DRAXIN: variants seen among roughly 807,000 people sequenced by gnomAD.
DRAXIN encodes the protein dorsal inhibitory axon guidance protein, also known as dorsal repulsive axon guidance protein.
Under a neutral mutation model 33.9 loss-of-function variants are expected in DRAXIN, and 27 were observed. That is an observed-to-expected ratio of 0.80 (90% CI 0.59 to 1.10). The LOEUF is 1.10. Ranked by LOEUF, DRAXIN falls within the 50% of genes least tolerant of loss-of-function variation. DRAXIN has a pLI of 0.00. For synonymous variants in DRAXIN, 178 were observed against 194.0 expected, an observed-to-expected ratio of 0.92 and a Z score of 0.69; for missense variants, 371 against 460.8, an observed-to-expected ratio of 0.81 and a Z score of 1.78.
intron 3 of DRAXIN, 144 bp from the exon 4 acceptor site, chr1:11,711,707 T>A (rs1206839289): frequency 7.2e-6 from 5 of 691,924 alleles, no homozygotes; most frequent in Non-Finnish European, 1.2e-5. Flanking sequence ...CATCTTTATG[T>A]CCTTGGGCTG....
Position 11,725,621 on chromosome 1 carries a change from C to G in DRAXIN, c.*5925C>G, listed in dbSNP as rs1192605409. Reference sequence around the variant, plus strand: ...ATGACAAACTCCCAGGCTCTGAGGCCCAAGCCTCCTGGGCTGCAACTGGTC... The same window carrying G: ...ATGACAAACTCCCAGGCTCTGAGGCGCAAGCCTCCTGGGCTGCAACTGGTC... On this transcript the variant is annotated 3_prime_UTR_variant, in exon 7 of 7. Transcript: ENST00000294485. The G allele has an allele frequency of 6.6e-6, 1 of 152,238 alleles. No homozygotes were observed. The highest frequency in any genetic ancestry group is 6.5e-5 in the Admixed American group (1 of 15,280). 9.4% of individuals were successfully genotyped at this position (152,238 alleles called of 1,614,324 possible).
intron 6 of DRAXIN, 62 bp downstream of exon 6, chr1:11,715,270 C>T: frequency 6.3e-7 from 1 of 1,599,092 alleles, no homozygotes; most frequent in Non-Finnish European, 8.6e-7. Flanking sequence ...GCCTCCCTTT[C>T]TCGAAGCGGC....
intron 1 of DRAXIN, among the ~76,000 whole-genome samples, chr1:11,695,054 T>G (rs2100728922): frequency 6.6e-6 from 1 of 152,190 alleles, no homozygotes; most frequent in Admixed American, 6.5e-5. Context: ...TCATGCCACC[T>G]TCCCTGGGAC....
In DRAXIN at chr1:11,704,279, C is replaced by T. The variant is rs909430076; in HGVS notation, c.-10-1970C>T. Among the ~76,000 whole-genome samples the T allele has an allele frequency of 5.3e-5, 8 of 152,320 alleles. No individual in the cohort carries two copies. The highest frequency in any genetic ancestry group is 9.6e-5 in the African/African-American group (4 of 41,566). ...AGGACAGAAAGGCAGGGCTGGGTCT[C>T]GGACATGGACGGGATCCCATATGCG... is the stretch of plus-strand genomic sequence containing the variant. On this transcript the variant is annotated intron_variant, in intron 1 of 6. Transcript: ENST00000294485. This position sits in a 1 kb window ranked among gnomAD's most constrained non-coding sequence, Gnocchi z 4.6.
At chr1:11,700,996 C>T (rs1557687661) in intron 1 of DRAXIN, among the ~76,000 whole-genome samples, 1 of 152,122 alleles carries the variant, frequency 6.6e-6, no homozygotes, top group Non-Finnish European at 1.5e-5. Flanking sequence ...GGGAGGGGCT[C>T]AGGAATCAAA....
At chr1:11,698,362 C>T (rs1232687990) in intron 1 of DRAXIN, among the ~76,000 whole-genome samples, 1 of 152,188 alleles carries the variant, frequency 6.6e-6, no homozygotes, top group African/African-American at 2.4e-5. Flanking sequence ...CTAAACAAGA[C>T]AGAAGTCTGC....
Position 11,704,550 on chromosome 1 carries a change from C to A in DRAXIN, c.-10-1699C>A, listed in dbSNP as rs1641350052. On this transcript the variant is annotated intron_variant, in intron 1 of 6. Transcript: ENST00000294485. The surrounding 1 kb of genome is among the most constrained non-coding windows in gnomAD (Gnocchi z 4.6). ...CTCAAGAGCACTTGTTAGGGAAGGG[C>A]TGGAGGCAAGGCCAGTGGGACAGAG... 6.6e-6 allele frequency among the ~76,000 whole-genome samples: 1 copy of A among 152,218 alleles called. No homozygotes were observed. The highest frequency in any genetic ancestry group is 2.4e-5 in the African/African-American group (1 of 41,458).
intron 5 of DRAXIN, among the ~76,000 whole-genome samples, chr1:11,713,103 C>T (rs936470126): frequency 1.0e-4 from 15 of 149,858 alleles, no homozygotes; most frequent in Non-Finnish European, 1.8e-4. Flanking sequence ...GAGGCTGAGG[C>T]GGGAACATTG....
At position 11,711,872 on chromosome 1, in the gene DRAXIN, G is replaced by T. The variant is rs78987150; in HGVS notation, c.664G>T (p.Gly222Trp). Residue 222 changes from glycine to tryptophan, a missense_variant, in exon 4 of 7, where the codon GGG becomes TGG. Physicochemically the swap from Gly to Trp is radical, Grantham distance 184. Transcript: ENST00000294485. ...RPQQAQPRSD[G>W]EVMPTLDMAL... The stretch of plus-strand genomic sequence containing the variant: ...CCAGCAGGCACAGCCCAGGTCTGAC[G>T]GGGAGGTGATGCCCACGCTGGACAT... 7 of 1,613,482 alleles carry T rather than the reference G, an allele frequency of 4.3e-6. No individual in the cohort carries two copies. The highest frequency in any genetic ancestry group is 5.1e-6 in the Non-Finnish European group (6 of 1,179,738).
At position 11,719,678 on chromosome 1, in the gene DRAXIN, A is replaced by T; in HGVS notation, c.1032A>T (p.Gly344=). 6.2e-7 allele frequency: 1 copy of T among 1,614,004 alleles called. No individual in the cohort carries two copies. Among genetic ancestry groups the T allele is most frequent in the South Asian group, 1.1e-5 (1 of 91,074 alleles). Residue 344 remains glycine, a synonymous_variant, in exon 7 of 7, where the codon GGA becomes GGT. Coordinates refer to ENST00000294485, the MANE Select transcript of DRAXIN (RefSeq NM_198545.4). ...VEPETANGDQ[G]SFINV ...CCGAGACGGCCAACGGCGACCAGGG[A>T]TCCTTCATCAACGTCTAGCGGCCCC...
chr1:11,706,542 G>A lies in DRAXIN; in HGVS notation c.284G>A (p.Gly95Glu). The A allele has an allele frequency of 6.2e-7, 1 of 1,611,382 alleles. No homozygotes were observed. Among genetic ancestry groups the A allele is most frequent in the East Asian group, 2.2e-5 (1 of 44,802 alleles). ...RQASRLPEAE[G>E]LLPEQSPAGL... is the part of the protein sequence containing the mutation. Reference sequence around the variant, plus strand: ...GCCTCCAGGCTGCCAGAGGCTGAGGGGCTGCTGCCTGAGCAGAGTCCTGCA... The same window carrying A: ...GCCTCCAGGCTGCCAGAGGCTGAGGAGCTGCTGCCTGAGCAGAGTCCTGCA... The change falls in exon 2 of 7, where the codon GGG becomes GAG. Residue 95 changes from glycine to glutamate, a missense_variant. Coordinates refer to ENST00000294485, the MANE Select transcript of DRAXIN (RefSeq NM_198545.4). This position sits in a 1 kb window ranked among gnomAD's most constrained non-coding sequence, Gnocchi z 5.5.
At position 11,706,325 on chromosome 1, in the gene DRAXIN, A is replaced by G. The variant is rs1350192151; in HGVS notation, c.67A>G (p.Ser23Gly). The change falls in exon 2 of 7, where the codon AGC (serine) becomes GGC (glycine). Residue 23 changes from serine (S) to glycine (G), a missense_variant. Ser to Gly is a moderately conservative substitution (Grantham distance 56, BLOSUM62 0). Coordinates refer to ENST00000294485, the MANE Select transcript of DRAXIN (RefSeq NM_198545.4). This position sits in a 1 kb window ranked among gnomAD's most constrained non-coding sequence, Gnocchi z 5.5. ...CGTCCTCCTGCTGCCCCTGGAGCTG[A>G]GCCTGGCAGGCGCCCTTGCACCTGG... ...FLVLLLPLEL[S>G]LAGALAPGTP... 1 of 1,613,658 alleles carries G rather than the reference A, an allele frequency of 6.2e-7. No individual in the cohort carries two copies. The highest frequency in any genetic ancestry group is 2.2e-5 in the East Asian group (1 of 44,882).
intron 2 of DRAXIN, among the ~76,000 whole-genome samples, chr1:11,708,342 T>C (rs1570314698): frequency 6.6e-6 from 1 of 152,226 alleles, no homozygotes; most frequent in African/African-American, 2.4e-5. Flanking sequence ...CTGGGCGTGG[T>C]GGCTCACACC....
chr1:11,714,309 ACAT>A (rs1445937717), intron 5 of DRAXIN, among the ~76,000 whole-genome samples: 1 of 152,232 alleles, frequency 6.6e-6, no homozygotes, highest in African/African-American at 2.4e-5. Context: ...GAAGCTTCAG[ACAT>A]CATGCACCGG....
chr1:11,706,732 T>G lies in DRAXIN; in HGVS notation c.451+23T>G, dbSNP rs1570313584. On this transcript the variant is annotated intron_variant, in intron 2 of 6. Transcript: ENST00000294485. The surrounding 1 kb of genome is among the most constrained non-coding windows in gnomAD (Gnocchi z 5.5). ...AAGGTAGCTGGAGGGCTGCGAGGGGTGGGGATGGGGGTGATTCCTGCCATG... is the reference window on the plus strand; with the variant it reads ...AAGGTAGCTGGAGGGCTGCGAGGGGGGGGGATGGGGGTGATTCCTGCCATG... The G allele has an allele frequency of 6.6e-7, 1 of 1,519,760 alleles. No individual in the cohort carries two copies. The highest frequency in any genetic ancestry group is 8.8e-7 in the Non-Finnish European group (1 of 1,137,772). The allele number at this position is 1,519,760 out of a possible 1,614,324, so 94.1% of individuals were successfully genotyped here.
At chr1:11,709,061 A>G (rs1374508055) in intron 2 of DRAXIN, among the ~76,000 whole-genome samples, 1 of 152,198 alleles carries the variant, frequency 6.6e-6, no homozygotes, top group Non-Finnish European at 1.5e-5. Flanking sequence ...CTGTCTCCCC[A>G]GCGACACTGC....
At chr1:11,688,376 A>G (rs55661766), upstream of DRAXIN, among the ~76,000 whole-genome samples, 1,825 of 152,246 alleles carry the variant, frequency 0.012, 26 homozygotes, top group Non-Finnish European at 0.016. This position sits in a 1 kb window ranked among gnomAD's most constrained non-coding sequence, Gnocchi z 4.6. Flanking sequence ...CCTGGCTAAC[A>G]TGGGGAAACT....
chr1:11,697,022 C>T lies in DRAXIN; in HGVS notation c.-11+5169C>T, dbSNP rs571021713. On this transcript the variant is annotated intron_variant, in intron 1 of 6. Transcript: ENST00000294485. ...TTGCACTCCAGCCTGGGCAACAGAA[C>T]GAGATTCCATCTTAATAATTAAAAA... Among the ~76,000 whole-genome samples the T allele has an allele frequency of 7.6e-5, 11 of 145,298 alleles. No homozygotes were observed. In the South Asian group the frequency reaches 2.0e-3, roughly 26 times the overall value.
intron 1 of DRAXIN, among the ~76,000 whole-genome samples, chr1:11,700,133 G>A (rs1641250203): frequency 6.6e-6 from 1 of 151,570 alleles, no homozygotes; most frequent in African/African-American, 2.4e-5. Flanking sequence ...AGGAGACTGA[G>A]GCAGGAGAAT....
Sources: allele counts gnomAD v4.1 joint callset (sites outside exome capture counted in the v4.1 genomes callset), GRCh38; gene constraint gnomAD v4.1.1; non-coding constraint Gnocchi (gnomAD v3.1); transcripts MANE v1.5; gene names NCBI Gene and HGNC (gene_info 2026-07-23, HGNC 2026-07-21).